The following TPRG1 variants were observed in gnomAD, a reference collection of about 807,000 sequenced individuals.
TPRG1 encodes tumor protein p63-regulated gene 1 protein.
TPRG1 carries 29 observed loss-of-function variants against 29.3 expected under a neutral mutation model. That is an observed-to-expected ratio of 0.99 (90% CI 0.74 to 1.35). The LOEUF is 1.35. TPRG1 is among the 40% of genes most tolerant of loss of function. TPRG1 has a pLI of 0.00. For missense variants in TPRG1, 327 were observed against 335.0 expected (o/e 0.98, Z 0.19); for synonymous variants, 130 against 116.8 (o/e 1.11, Z -0.73).
At chr3:189,024,230 G>A (rs750209130) in intron 4 of TPRG1, among the ~76,000 whole-genome samples, 2 of 152,222 alleles carry the variant, frequency 1.3e-5, no homozygotes, top group South Asian at 2.1e-4. Flanking sequence ...AACCTTCCCC[G>A]TGAGGAGGAA....
At chr3:189,117,596 T>C (rs1212335764) in intron 1 of TPRG1, among the ~76,000 whole-genome samples, 1 of 152,172 alleles carries the variant, frequency 6.6e-6, no homozygotes, top group African/African-American at 2.4e-5. Flanking sequence ...CACAGTCCTG[T>C]GTCATGGGAG....
chr3:189,229,184 T>C (rs1389412707), intron 3 of TPRG1, among the ~76,000 whole-genome samples: 3 of 152,156 alleles, frequency 2.0e-5, no homozygotes, highest in South Asian at 2.1e-4. Context: ...AGTAAAGATG[T>C]CCATTATCTT....
At chr3:189,311,044 T>C (rs1247855404) in intron 5 of TPRG1, among the ~76,000 whole-genome samples, 1 of 152,186 alleles carries the variant, frequency 6.6e-6, no homozygotes, top group Non-Finnish European at 1.5e-5. Context: ...AAATACTCCA[T>C]GAAGTGTAAA....
chr3:189,059,506 C>T (rs149991714), intron 4 of TPRG1, among the ~76,000 whole-genome samples: 12 of 152,018 alleles, frequency 7.9e-5, no homozygotes, highest in Non-Finnish European at 1.2e-4. Flanking sequence ...GCAAGAGAAC[C>T]GCTTGAACCC....
intron 1 of TPRG1, among the ~76,000 whole-genome samples, chr3:189,112,905 C>T (rs1191033256): frequency 2.6e-5 from 4 of 152,158 alleles, no homozygotes; most frequent in African/African-American, 9.7e-5. Context: ...TTTTCCAAAT[C>T]TATGAAGAAA....
In TPRG1 at chr3:189,207,598, A is replaced by C. The variant is rs747851763; in HGVS notation, c.210+4A>C. The C allele has an allele frequency of 6.2e-7, 1 of 1,613,530 alleles. No homozygotes were observed. The highest frequency in any genetic ancestry group is 1.1e-5 in the South Asian group (1 of 91,054). On this transcript the variant is annotated splice_donor_region_variant and intron_variant, in intron 2 of 5. Coordinates refer to ENST00000345063, the MANE Select transcript of TPRG1 (RefSeq NM_198485.4). The stretch of plus-strand genomic sequence containing the variant: ...ACGGAAGTACTTTGCTACACGGGTA[A>C]ATTTATTGGTTCTCTTAAATACTAT...
At chr3:189,112,226 T>C (rs1720614759) in intron 1 of TPRG1, among the ~76,000 whole-genome samples, 1 of 152,180 alleles carries the variant, frequency 6.6e-6, no homozygotes, top group African/African-American at 2.4e-5. Flanking sequence ...AATTTTTGCA[T>C]CTATGTTTGT....
chr3:189,178,886 A>AT (rs889887667), intron 1 of TPRG1, among the ~76,000 whole-genome samples: 1 of 152,220 alleles, frequency 6.6e-6, no homozygotes, highest in African/African-American at 2.4e-5. Context: ...ACTGACAGTG[A>AT]TTTTACATCA....
chr3:189,261,766 G>A (rs1713101125), intron 4 of TPRG1, among the ~76,000 whole-genome samples: 1 of 152,174 alleles, frequency 6.6e-6, no homozygotes, highest in South Asian at 2.1e-4. Flanking sequence ...GTCTTAGGAA[G>A]AAGGTAGAAT....
chr3:189,049,266 G>A (rs994693896), intron 4 of TPRG1, among the ~76,000 whole-genome samples: 4 of 152,126 alleles, frequency 2.6e-5, no homozygotes, highest in African/African-American at 2.4e-5. Context: ...AGCCCCTCTC[G>A]CCCTCCACCT....
At chr3:189,243,008 T>G (rs1379438427) in intron 4 of TPRG1, among the ~76,000 whole-genome samples, 1 of 152,210 alleles carries the variant, frequency 6.6e-6, no homozygotes, top group African/African-American at 2.4e-5. Context: ...TATTTAGTGA[T>G]ATCTTCTTTC....
At chr3:189,219,757 C>A in intron 3 of TPRG1, 2 of 1,118,130 alleles carry the variant, frequency 1.8e-6, no homozygotes, top group South Asian at 2.1e-5. Context: ...TGGTGGTGGG[C>A]GATTGTTGTT....
intron 3 of TPRG1, 79 bp from the exon 4 acceptor site, chr3:189,238,654 T>G (rs577734456): frequency 8.0e-7 from 1 of 1,257,220 alleles, no homozygotes; most frequent in East Asian, 2.4e-5. Context: ...CTGTTTTCTG[T>G]GCTAGGAGAG....
At chr3:189,076,448 A>G (rs1243311246) in intron 4 of TPRG1, among the ~76,000 whole-genome samples, 2 of 152,142 alleles carry the variant, frequency 1.3e-5, no homozygotes, top group African/African-American at 2.4e-5. Context: ...GTGCACCTTT[A>G]GTATGCTCCA....
chr3:189,149,943 T>C (rs1725720746), intron 4 of TPRG1, among the ~76,000 whole-genome samples: 1 of 152,252 alleles, frequency 6.6e-6, no homozygotes, highest in South Asian at 2.1e-4. Flanking sequence ...ATAACTACTT[T>C]AGCATCGACT....
chr3:189,200,591 C>T (rs1733311868), intron 1 of TPRG1, among the ~76,000 whole-genome samples: 1 of 152,178 alleles, frequency 6.6e-6, no homozygotes, highest in Non-Finnish European at 1.5e-5. Context: ...CTTCCTATTC[C>T]CATCGCTATC....
intron 4 of TPRG1, among the ~76,000 whole-genome samples, chr3:189,246,442 GA>G (rs1352741640): frequency 1.3e-5 from 2 of 152,030 alleles, no homozygotes; most frequent in Non-Finnish European, 2.9e-5. Flanking sequence ...GTTTGTTGTA[GA>G]AATCACACAG....
intron 5 of TPRG1, among the ~76,000 whole-genome samples, chr3:189,156,508 G>A (rs913068030): frequency 6.6e-6 from 1 of 152,208 alleles, no homozygotes; most frequent in African/African-American, 2.4e-5. Flanking sequence ...AACGTTACAA[G>A]TTTGTGAAGA....
At chr3:189,247,836 A>C (rs1741581335) in intron 4 of TPRG1, among the ~76,000 whole-genome samples, 1 of 151,980 alleles carries the variant, frequency 6.6e-6, no homozygotes, top group South Asian at 2.1e-4. Context: ...TGGCAGGTTC[A>C]AGGTATGAAT....
Sources: gnomAD v4.1 joint callset for allele counts (sites outside exome capture counted in the v4.1 genomes callset) on GRCh38, gnomAD v4.1.1 for gene constraint, MANE v1.5 for transcripts, NCBI Gene and HGNC (gene_info 2026-07-23, HGNC 2026-07-21) for gene names.